Variants in SEC24A observed in about 807,000 individuals in gnomAD.
SEC24A encodes protein transport protein Sec24A.
SEC24A carries 93 observed loss-of-function variants against 129.4 expected under a neutral mutation model. That is an observed-to-expected ratio of 0.72 (90% CI 0.61 to 0.85). The LOEUF (loss-of-function observed/expected upper bound fraction) is 0.85, where lower values mean the gene tolerates loss of function less well. SEC24A is among the 40% of genes least tolerant of loss of function. The pLI, the probability that SEC24A is intolerant of heterozygous loss-of-function variation, is 0.00. For synonymous variants in SEC24A, 460 were observed against 467.3 expected (o/e 0.98, Z 0.20); for missense variants, 1,264 against 1,307.4 (o/e 0.97, Z 0.51).
intron 1 of SEC24A, among the ~76,000 whole-genome samples, chr5:134,650,641 T>C (rs1750016671): frequency 6.6e-6 from 1 of 151,998 alleles, no homozygotes; most frequent in Non-Finnish European, 1.5e-5. Context: ...GTTCAAGCGA[T>C]TCTCCTGCCT....
chr5:134,650,537 C>CTT (rs891812570), intron 1 of SEC24A, among the ~76,000 whole-genome samples: 8 of 141,220 alleles, frequency 5.7e-5, no homozygotes, highest in Non-Finnish European at 7.8e-5. Context: ...TGTTCCACAT[C>CTT]TTTTTTTTTT....
intron 13 of SEC24A, among the ~76,000 whole-genome samples, chr5:134,694,776 A>C (rs1345624943): frequency 6.6e-6 from 1 of 150,698 alleles, no homozygotes; most frequent in Non-Finnish European, 1.5e-5. Flanking sequence ...CCAAGATCGC[A>C]CCATTGCACT....
intron 19 of SEC24A, among the ~76,000 whole-genome samples, chr5:134,715,956 G>A (rs530828908): frequency 7.2e-5 from 11 of 151,842 alleles, no homozygotes; most frequent in African/African-American, 2.2e-4. Flanking sequence ...ACAAGTGCAC[G>A]TCTAGATCTG....
At chr5:134,697,786 A>G in intron 14 of SEC24A, 113 bp from the exon 15 acceptor site, 4 of 1,106,834 alleles carry the variant, frequency 3.6e-6, no homozygotes, top group Non-Finnish European at 3.9e-6. Flanking sequence ...CTCCTTTCTG[A>G]CAGTAGTTTA....
Position 134,723,581 on chromosome 5 carries a change from A to G in SEC24A, c.3078A>G (p.Glu1026=), listed in dbSNP as rs1413503786. The G allele has an allele frequency of 6.2e-6, 10 of 1,611,572 alleles. No homozygotes were observed. Among genetic ancestry groups the G allele is most frequent in the Non-Finnish European group, 7.6e-6 (9 of 1,177,982 alleles). The stretch of plus-strand genomic sequence containing the variant: ...TTGGTTAACAGACAGACCTTCCAGA[A>G]CTTGATACACCAGAATCTGCCAGAA... ...SIPQPMTDLP[E]LDTPESARII... The change falls in exon 22 of 23, where the codon GAA becomes GAG. Residue 1026 remains glutamate (E), a synonymous_variant. Transcript: ENST00000398844.
chr5:134,702,463 T>G (rs904309951), intron 15 of SEC24A, among the ~76,000 whole-genome samples: 1 of 152,248 alleles, frequency 6.6e-6, no homozygotes, highest in Non-Finnish European at 1.5e-5. Context: ...ACATACACTT[T>G]CACTTCATTT....
rs1260759002 is a variant in SEC24A, at chr5:134,671,834, A to T, written c.765A>T (p.Gly255=). 6.2e-7 allele frequency: 1 copy of T among 1,607,490 alleles called. No homozygotes were observed. The highest frequency in any genetic ancestry group is 1.3e-5 in the African/African-American group (1 of 74,634). The change falls in exon 4 of 23, where the codon GGA becomes GGT. Residue 255 remains glycine (G), a synonymous_variant. Coordinates refer to ENST00000398844, the MANE Select transcript of SEC24A (RefSeq NM_021982.3). ...QEGITSNTNN[G]SMVVHSSYDE... is the part of the protein sequence containing the mutation. ...GTATTACATCAAATACCAATAACGG[A>T]TCTATGGTGGTCCACAGTAGTTACG...
At chr5:134,652,925 GC>G (rs1164709552) in intron 1 of SEC24A, among the ~76,000 whole-genome samples, 1 of 151,678 alleles carries the variant, frequency 6.6e-6, no homozygotes, top group Non-Finnish European at 1.5e-5. Flanking sequence ...CTCCCGAGTA[GC>G]TGGGACAATA....
At chr5:134,694,834 A>G (rs1017166206) in intron 13 of SEC24A, among the ~76,000 whole-genome samples, 7 of 151,762 alleles carry the variant, frequency 4.6e-5, no homozygotes, top group African/African-American at 1.7e-4. Flanking sequence ...AAAAAAAAAA[A>G]AGAAAAGAAA....
At chr5:134,650,929 C>T (rs1211976654) in intron 1 of SEC24A, among the ~76,000 whole-genome samples, 1 of 151,820 alleles carries the variant, frequency 6.6e-6, no homozygotes, top group African/African-American at 2.4e-5. Context: ...CACGTGTCAC[C>T]ACACCCAGCT....
At position 134,715,256 on chromosome 5, in the gene SEC24A, A is replaced by G. The variant is rs548170100; in HGVS notation, c.2865+95A>G. 48 of 1,077,328 alleles carry G rather than the reference A, an allele frequency of 4.5e-5. 1 individual carries two copies. The Admixed American group carries it at 1.1e-3, about 24-fold the overall frequency. 66.7% of individuals were successfully genotyped at this position (1,077,328 alleles called of 1,614,324 possible). ...TGAGGAAGGGTTTGTTTATTATTTA[A>G]GGCTTTAGCTTTTATTTTATTTATT... On this transcript the variant is annotated intron_variant, in intron 19 of 22. Transcript: ENST00000398844.
At chr5:134,680,233 A>T (rs964267740) in intron 8 of SEC24A, among the ~76,000 whole-genome samples, 1 of 152,244 alleles carries the variant, frequency 6.6e-6, no homozygotes, top group Non-Finnish European at 1.5e-5. Context: ...ACTATAATGT[A>T]ATCAACAGGG....
intron 11 of SEC24A, among the ~76,000 whole-genome samples, chr5:134,688,596 A>G (rs1384611990): frequency 6.6e-6 from 1 of 152,172 alleles, no homozygotes; most frequent in Non-Finnish European, 1.5e-5. Flanking sequence ...AAAGTATTTG[A>G]GGATAGACAT....
intron 18 of SEC24A, among the ~76,000 whole-genome samples, chr5:134,711,709 T>G (rs1752330441): frequency 6.6e-6 from 1 of 151,722 alleles, no homozygotes; most frequent in Non-Finnish European, 1.5e-5. Context: ...TTTTGTATTT[T>G]TAGTAGAGAC....
chr5:134,719,345 GCACTC>G (rs1752566995), intron 20 of SEC24A, among the ~76,000 whole-genome samples: 2 of 146,832 alleles, frequency 1.4e-5, no homozygotes, highest in Admixed American at 1.4e-4. Flanking sequence ...TCACACCACT[GCACTC>G]CAGCCTGGGC....
chr5:134,694,547 T>C (rs1190749367), intron 13 of SEC24A, among the ~76,000 whole-genome samples: 1 of 151,826 alleles, frequency 6.6e-6, no homozygotes, highest in Non-Finnish European at 1.5e-5. Context: ...TTGGAGAGGC[T>C]GAGGCAGGAG....
At chr5:134,681,442 T>TTGTGTG (rs34487329) in intron 8 of SEC24A, among the ~76,000 whole-genome samples, 2,306 of 143,766 alleles carry the variant, frequency 0.016, 17 homozygotes, top group Admixed American at 0.022. Flanking sequence ...GTTTTATTGT[T>TTGTGTG]TGTGTGTGTG....
At chr5:134,675,508 T>A (rs928873697) in intron 6 of SEC24A, among the ~76,000 whole-genome samples, 1 of 152,192 alleles carries the variant, frequency 6.6e-6, no homozygotes, top group Non-Finnish European at 1.5e-5. Context: ...AGTACAGGGA[T>A]TTGTTTCTAC....
intron 19 of SEC24A, among the ~76,000 whole-genome samples, chr5:134,716,912 A>G (rs189241620): frequency 5.6e-5 from 8 of 144,096 alleles, no homozygotes; most frequent in African/African-American, 2.1e-4. Flanking sequence ...AGGGTTTTGC[A>G]CTTGTTGCCC....
Sources: allele counts gnomAD v4.1 joint callset (sites outside exome capture counted in the v4.1 genomes callset), GRCh38; gene constraint gnomAD v4.1.1; transcripts MANE v1.5; gene names NCBI Gene and HGNC (gene_info 2026-07-23, HGNC 2026-07-21).